Variants in EXPH5 observed in about 807,000 individuals in gnomAD.
EXPH5 encodes exophilin-5.
Under a neutral mutation model 41.1 loss-of-function variants are expected in EXPH5, and 42 were observed. The ratio of observed to expected loss-of-function variants is 1.02; its 90% CI spans 0.80 to 1.32. EXPH5 has a LOEUF of 1.32. EXPH5 is among the 40% of genes most tolerant of loss of function. The pLI is 0.00. For synonymous variants in EXPH5, 798 were observed against 833.5 expected (o/e 0.96, Z 0.73); for missense variants, 2,298 against 2,314.5 (o/e 0.99, Z 0.15).
chr11:108,579,417 G>T (rs1565833548), intron 1 of EXPH5, among the ~76,000 whole-genome samples: 1 of 151,874 alleles, frequency 6.6e-6, no homozygotes, highest in Admixed American at 6.6e-5. Context: ...CAGTTTGCTA[G>T]TATTTTGTTA....
chr11:108,522,051 C>A (rs1258643119), intron 4 of EXPH5, among the ~76,000 whole-genome samples: 1 of 152,162 alleles, frequency 6.6e-6, no homozygotes, highest in African/African-American at 2.4e-5. Flanking sequence ...TCTGCCCAGA[C>A]CCTCTACTTC....
chr11:108,521,343 C>T (rs150093276), intron 4 of EXPH5, among the ~76,000 whole-genome samples: 1 of 152,062 alleles, frequency 6.6e-6, no homozygotes, highest in Non-Finnish European at 1.5e-5. Context: ...TGCTTGTTTT[C>T]TTTCTCAAGG....
intron 1 of EXPH5, among the ~76,000 whole-genome samples, chr11:108,570,153 G>A (rs1189353233): frequency 6.6e-6 from 1 of 152,208 alleles, no homozygotes; most frequent in Non-Finnish European, 1.5e-5. Flanking sequence ...AGCTTTAGGA[G>A]ACTGCCACCT....
chr11:108,513,383 T>A lies in EXPH5; in HGVS notation c.2124A>T (p.Ser708=), dbSNP rs1372902829. The change falls in exon 6 of 6, where the codon TCA becomes TCT. Residue 708 remains serine, a synonymous_variant. Coordinates refer to ENST00000265843, the MANE Select transcript of EXPH5 (RefSeq NM_015065.3). The part of the protein sequence containing the change: ...NNEKDLNESI[S]EEDKQLSKMD... Reference sequence around the variant, plus strand: ...TCTTGCTTAGCTGTTTGTCTTCTTCTGAAATAGATTCATTTAAGTCTTTCT... The same window carrying A: ...TCTTGCTTAGCTGTTTGTCTTCTTCAGAAATAGATTCATTTAAGTCTTTCT... 6.2e-7 allele frequency: 1 copy of A among 1,614,014 alleles called. No homozygotes were observed.
intron 1 of EXPH5, among the ~76,000 whole-genome samples, chr11:108,592,443 G>C (rs1384154165): frequency 2.0e-5 from 3 of 152,198 alleles, no homozygotes. Flanking sequence ...GCAAGCAGTT[G>C]ATCATAAAAC....
intron 5 of EXPH5, among the ~76,000 whole-genome samples, chr11:108,515,148 A>G (rs995791220): frequency 6.6e-6 from 1 of 152,136 alleles, no homozygotes; most frequent in Non-Finnish European, 1.5e-5. Context: ...TATTCTTCTA[A>G]CAATGAATTT....
intron 1 of EXPH5, among the ~76,000 whole-genome samples, chr11:108,558,798 A>T (rs972128691): frequency 1.3e-5 from 2 of 152,208 alleles, no homozygotes; most frequent in Non-Finnish European, 2.9e-5. Context: ...TGGAGGCGGA[A>T]AGTTTACACT....
intron 1 of EXPH5, among the ~76,000 whole-genome samples, chr11:108,585,306 C>A (rs567668591): frequency 1.3e-5 from 2 of 152,264 alleles, no homozygotes; most frequent in African/African-American, 4.8e-5. Context: ...GTATGTGTCC[C>A]CCCAGAATTC....
the EXPH5 span, among the ~76,000 whole-genome samples, chr11:108,605,079 C>A: frequency 1.3e-5 from 2 of 152,028 alleles, no homozygotes. Context: ...GGGTTCTTAG[C>A]CAACAGAAAA....
In EXPH5 at chr11:108,509,371, G is replaced by A. The variant is rs958977498; in HGVS notation, c.*166C>T. On this transcript the variant is annotated 3_prime_UTR_variant, in exon 6 of 6. Coordinates refer to ENST00000265843, the MANE Select transcript of EXPH5 (RefSeq NM_015065.3). ...CAAGAATTCATTGTTCTAGCATTCA[G>A]GAAGTGTCTATATAGGGTGTGGAGG... 3 of 497,072 alleles carry A rather than the reference G, an allele frequency of 6.0e-6. No individual in the cohort carries two copies. Among genetic ancestry groups the A allele is most frequent in the Non-Finnish European group, 1.0e-5 (3 of 289,698 alleles). The allele number at this position is 497,072 out of a possible 1,614,324, so 30.8% of individuals were successfully genotyped here.
At chr11:108,573,139 GGAAAGAAAGAAAGAAAGAAA>G (rs3054581) in intron 1 of EXPH5, among the ~76,000 whole-genome samples, 113 of 90,556 alleles carry the variant, frequency 1.2e-3, no homozygotes, top group East Asian at 0.01. Context: ...AAGGAAAGAA[GGAAAGAAAGAAAGAAAGAAA>G]GAAAGAAAGA....
chr11:108,568,841 C>T (rs1420008707), intron 1 of EXPH5, among the ~76,000 whole-genome samples: 1 of 152,182 alleles, frequency 6.6e-6, no homozygotes, highest in African/African-American at 2.4e-5. Context: ...CTTGCCTTCT[C>T]TTCCTCCCTA....
intron 3 of EXPH5, among the ~76,000 whole-genome samples, chr11:108,530,681 C>T (rs1242265427): frequency 6.6e-6 from 1 of 152,198 alleles, no homozygotes; most frequent in Admixed American, 6.6e-5. Context: ...ACCAGGTACC[C>T]CTTCTGATTT....
At chr11:108,531,668 A>G (rs764762733) in intron 3 of EXPH5, among the ~76,000 whole-genome samples, 3 of 152,204 alleles carry the variant, frequency 2.0e-5, no homozygotes, top group Admixed American at 6.5e-5. Flanking sequence ...GGGCTCAAGA[A>G]TATCCTTTTC....
chr11:108,513,586 G>C lies in EXPH5; in HGVS notation c.1921C>G (p.Pro641Ala). The change falls in exon 6 of 6, where the codon CCT (proline) becomes GCT (alanine). Residue 641 changes from proline to alanine, a missense_variant. Transcript: ENST00000265843. ...FSQISDDRRNPQSPNLQNPTV... is the reference protein window; with the variant it reads ...FSQISDDRRNAQSPNLQNPTV... ...GGATTCTGCAAGTTGGGACTCTGAG[G>C]ATTCCTTCTGTCATCAGAAATCTGG... is the stretch of plus-strand genomic sequence containing the variant. The C allele has an allele frequency of 6.2e-7, 1 of 1,613,996 alleles. No homozygotes were observed. The highest frequency in any genetic ancestry group is 8.5e-7 in the Non-Finnish European group (1 of 1,179,978).
At chr11:108,604,064 T>A in the EXPH5 span, among the ~76,000 whole-genome samples, 1 of 152,012 alleles carries the variant, frequency 6.6e-6, no homozygotes, top group Non-Finnish European at 1.5e-5. Flanking sequence ...TTCAATTTTT[T>A]TAAGGGTAGG....
chr11:108,596,718 C>T (rs942078166), upstream of EXPH5, among the ~76,000 whole-genome samples: 2 of 152,114 alleles, frequency 1.3e-5, no homozygotes, highest in African/African-American at 4.8e-5. Context: ...AGTGTCCAAC[C>T]TCATCAGACT....
chr11:108,524,746 T>C (rs972704226), intron 4 of EXPH5, among the ~76,000 whole-genome samples: 3 of 152,184 alleles, frequency 2.0e-5, no homozygotes, highest in Admixed American at 2.0e-4. Context: ...ATCAACAAAT[T>C]AAATTTTCAA....
intron 3 of EXPH5, among the ~76,000 whole-genome samples, chr11:108,530,217 C>T (rs897514848): frequency 6.6e-6 from 1 of 152,024 alleles, no homozygotes; most frequent in African/African-American, 2.4e-5. Flanking sequence ...TATTTTTATT[C>T]TTCTTTTCCA....
Sources: gnomAD v4.1 joint callset for allele counts (sites outside exome capture counted in the v4.1 genomes callset) on GRCh38, gnomAD v4.1.1 for gene constraint, MANE v1.5 for transcripts, NCBI Gene and HGNC (gene_info 2026-07-23, HGNC 2026-07-21) for gene names.